Variants in STARD13 observed in about 807,000 individuals in gnomAD.
STARD13 encodes StAR related lipid transfer domain containing 13, also known as stAR-related lipid transfer protein 13.
STARD13 carries 62 observed loss-of-function variants against 106.4 expected under a neutral mutation model. The ratio of observed to expected loss-of-function variants is 0.58; its 90% confidence interval spans 0.48 to 0.72. The LOEUF is 0.72. Ranked by LOEUF, STARD13 falls within the 30% of genes least tolerant of loss-of-function variation. The pLI, the probability that STARD13 is intolerant of heterozygous loss-of-function variation, is 0.00. For missense variants in STARD13, 1,387 were observed against 1,424.0 expected, an observed-to-expected ratio of 0.97 and a Z score of 0.42; for synonymous variants, 565 against 553.0, an observed-to-expected ratio of 1.02 and a Z score of -0.31.
chr13:33,412,273 G>A, the STARD13 span, among the ~76,000 whole-genome samples: 9 of 152,102 alleles, frequency 5.9e-5, no homozygotes, highest in Admixed American at 1.3e-4. Context: ...CCAGTAAACT[G>A]CAATGTCATA....
intron 3 of STARD13, among the ~76,000 whole-genome samples, chr13:33,148,700 C>A (rs915966197): frequency 1.3e-5 from 2 of 152,158 alleles, no homozygotes; most frequent in Non-Finnish European, 2.9e-5. Context: ...ATCATATACT[C>A]GAGAAATTGC....
intron 1 of STARD13, among the ~76,000 whole-genome samples, chr13:33,319,765 C>T (rs1273525520): frequency 6.6e-6 from 1 of 152,140 alleles, no homozygotes; most frequent in African/African-American, 2.4e-5. Flanking sequence ...ATCTCTAAGG[C>T]ACCTTTAGTT....
At chr13:33,271,003 G>C (rs1485180993) in intron 1 of STARD13, among the ~76,000 whole-genome samples, 1 of 152,156 alleles carries the variant, frequency 6.6e-6, no homozygotes, top group Non-Finnish European at 1.5e-5. Flanking sequence ...GTAAATAGCA[G>C]TCAAGAAGCC....
upstream of STARD13, among the ~76,000 whole-genome samples, chr13:33,287,883 C>T (rs1175144189): frequency 6.6e-6 from 1 of 151,964 alleles, no homozygotes; most frequent in African/African-American, 2.4e-5. Context: ...TGAACATGTT[C>T]TGGGAAACCA....
At chr13:33,106,446 T>G (rs1593841044) in intron 13 of STARD13, among the ~76,000 whole-genome samples, 2 of 152,252 alleles carry the variant, frequency 1.3e-5, no homozygotes, top group Non-Finnish European at 2.9e-5. Context: ...AGAGGGAAAC[T>G]CTGATTTACT....
chr13:33,129,541 C>T lies in STARD13; in HGVS notation c.1136G>A (p.Gly379Glu), dbSNP rs772177359. ...VLAGTALPDA[G>E]DQSRMHEFHS... Reference sequence around the variant, plus strand: ...AAATTCATGCATACGGCTTTGGTCCCCTGCATCCGGCAGTGCTGTCCCCGC... The same window carrying T: ...AAATTCATGCATACGGCTTTGGTCCTCTGCATCCGGCAGTGCTGTCCCCGC... The change falls in exon 5 of 14, where the codon GGG (glycine) becomes GAG (glutamate). Residue 379 changes from glycine to glutamate, a missense_variant. Transcript: ENST00000336934. The T allele has an allele frequency of 2.5e-6, 4 of 1,614,052 alleles. No individual in the cohort carries two copies. In the African/African-American group the frequency reaches 5.3e-5, roughly 22 times the overall value.
At chr13:33,400,378 T>A in the STARD13 span, among the ~76,000 whole-genome samples, 1 of 152,294 alleles carries the variant, frequency 6.6e-6, no homozygotes, top group African/African-American at 2.4e-5. Flanking sequence ...ATTTATACTT[T>A]GATGGACACT....
chr13:33,188,388 A>C (rs767940859), intron 1 of STARD13: 32 of 152,214 alleles, frequency 2.1e-4, no homozygotes, highest in Non-Finnish European at 2.4e-4. Context: ...ATTTATGGGA[A>C]TAGTGAACAT....
chr13:33,229,874 A>G (rs577589892), intron 1 of STARD13, among the ~76,000 whole-genome samples: 6 of 152,340 alleles, frequency 3.9e-5, no homozygotes, highest in African/African-American at 1.2e-4. Context: ...GTTGTCCCCC[A>G]GGAGTTAAAC....
chr13:33,357,028 G>A, the STARD13 span, among the ~76,000 whole-genome samples: 1 of 152,198 alleles, frequency 6.6e-6, no homozygotes, highest in Admixed American at 6.5e-5. Context: ...ATAATTCAAA[G>A]TGTCATCAAA....
chr13:33,438,207 C>G, the STARD13 span, among the ~76,000 whole-genome samples: 2 of 152,340 alleles, frequency 1.3e-5, no homozygotes, highest in Non-Finnish European at 2.9e-5. Flanking sequence ...TTCTAGTTAT[C>G]AGTTCTCCAG....
chr13:33,420,923 C>T, the STARD13 span, among the ~76,000 whole-genome samples: 2 of 152,064 alleles, frequency 1.3e-5, no homozygotes, highest in Non-Finnish European at 2.9e-5. Context: ...AAAGACAAAA[C>T]ATACCAGATC....
chr13:33,425,875 C>T, the STARD13 span, among the ~76,000 whole-genome samples: 1 of 152,152 alleles, frequency 6.6e-6, no homozygotes, highest in Non-Finnish European at 1.5e-5. Flanking sequence ...GGTATTGGGA[C>T]CACCAGTTTA....
At chr13:33,546,643 C>T in the STARD13 span, among the ~76,000 whole-genome samples, 1 of 147,518 alleles carries the variant, frequency 6.8e-6, no homozygotes, top group East Asian at 2.1e-4. Context: ...ATTGTGTTGT[C>T]GTATTAATTT....
chr13:33,434,893 AGAAG>A, the STARD13 span, among the ~76,000 whole-genome samples: 23,899 of 130,448 alleles, frequency 0.18, 2,259 homozygotes, highest in South Asian at 0.3. Context: ...AGGGAAGGAA[AGAAG>A]GAAGGAAGGA....
At chr13:33,607,360 C>G in the STARD13 span, among the ~76,000 whole-genome samples, 2 of 150,748 alleles carry the variant, frequency 1.3e-5, no homozygotes, top group Admixed American at 6.6e-5. Context: ...TGCAGTGGCG[C>G]AATCTCAGCT....
At chr13:33,240,192 G>A (rs528268517) in intron 1 of STARD13, among the ~76,000 whole-genome samples, 14 of 152,238 alleles carry the variant, frequency 9.2e-5, no homozygotes, top group Middle Eastern at 3.4e-3. Context: ...CCATCTGACC[G>A]TATACACGAG....
chr13:33,165,751 C>A (rs112005371), intron 2 of STARD13, among the ~76,000 whole-genome samples: 1 of 152,188 alleles, frequency 6.6e-6, no homozygotes. Context: ...CCACCTAACA[C>A]GTAGGTCACT....
chr13:33,255,913 G>A (rs1890338992), intron 1 of STARD13, among the ~76,000 whole-genome samples: 1 of 152,162 alleles, frequency 6.6e-6, no homozygotes, highest in South Asian at 2.1e-4. Context: ...TCTACAGGTA[G>A]TATAAGACTC....
Sources: gnomAD v4.1 joint callset for allele counts (sites outside exome capture counted in the v4.1 genomes callset) on GRCh38, gnomAD v4.1.1 for gene constraint, MANE v1.5 for transcripts, NCBI Gene and HGNC (gene_info 2026-07-23, HGNC 2026-07-21) for gene names.